SLC35A2: variants seen among roughly 807,000 people sequenced by gnomAD.
SLC35A2 encodes the protein UDP-galactose translocator.
Under a neutral mutation model 17.3 loss-of-function variants are expected in SLC35A2, and 1 was observed. That is an observed-to-expected ratio of 0.06 (90% CI 0.02 to 0.27). SLC35A2 has a LOEUF of 0.27. Among genes scored for constraint, SLC35A2 ranks in the 10% least tolerant of loss-of-function variants. The probability of loss-of-function intolerance (pLI) is 1.00; values close to 1 mark genes in which losing one functional copy is unlikely to be tolerated. For synonymous variants in SLC35A2, 161 were observed against 161.3 expected (o/e 1.00, Z 0.01); for missense variants, 191 against 339.3 (o/e 0.56, Z 3.43).
rs1557042895 is a variant in SLC35A2, at chrX:48,905,332, G to T, written c.577C>A (p.Arg193=). 2.7e-5 allele frequency: 32 copies of T among 1,184,984 alleles called. No homozygotes were observed. The highest frequency in any genetic ancestry group is 3.3e-5 in the Non-Finnish European group (29 of 882,030). The change falls in exon 4 of 5, where the codon CGG becomes AGG. Residue 193 remains arginine (R), a synonymous_variant. Transcript: ENST00000247138. The part of the protein sequence containing the change: ...QAQQAGGGGP[R]PLDQNPGAGL... ...GCCCCAGGGTTCTGATCCAGTGGCC[G>T]TGGGCCTCCCCCACCGGCTTGCTGT...
chrX:48,911,747 G>C, upstream of SLC35A2: 1 of 1,160,761 alleles, frequency 8.6e-7, no homozygotes, highest in Non-Finnish European at 1.2e-6. Context: ...GGGATCGTCA[G>C]GGTGGTGGCT....
At chrX:48,911,457 G>A in intron 1 of SLC35A2, 89 bp downstream of exon 1, 1 of 1,072,708 alleles carries the variant, frequency 9.3e-7, no homozygotes, top group Non-Finnish European at 1.3e-6. Flanking sequence ...CACACGGGAT[G>A]CTCCCTCTCA....
intron 2 of SLC35A2, 150 bp downstream of exon 2, chrX:48,909,664 T>C (rs1208832319): frequency 8.1e-6 from 4 of 493,981 alleles, no homozygotes; most frequent in Non-Finnish European, 1.3e-5. Context: ...GCTAGAAAAG[T>C]GTAAGATGCC....
chrX:48,908,572 G>A (rs1036606453), intron 2 of SLC35A2, among the ~76,000 whole-genome samples: 1 of 111,656 alleles, frequency 9.0e-6, no homozygotes, highest in Admixed American at 9.5e-5. Flanking sequence ...AAAAAATTCC[G>A]GGCAGGGGAG....
At chrX:48,903,667 C>T in intron 4 of SLC35A2, 1 of 819,800 alleles carries the variant, frequency 1.2e-6, no homozygotes, top group Non-Finnish European at 1.7e-6. Flanking sequence ...TTGTTCATTA[C>T]AGTTCCTTAA....
intron 1 of SLC35A2, 64 bp downstream of exon 1, chrX:48,911,482 A>T: frequency 8.7e-7 from 1 of 1,143,754 alleles, no homozygotes; most frequent in Non-Finnish European, 1.2e-6. Context: ...AGTGAGGAAC[A>T]TTCCCGACTC....
Position 48,905,009 on chromosome X carries a change from G to A in SLC35A2, c.900C>T (p.Ala300=), listed in dbSNP as rs1569511093. Reference sequence around the variant, plus strand: ...TGGACAGCACAATGGACAGGGAGGTGGCAAAGCCCTTGAGGATATTGTCAG... The same window carrying A: ...TGGACAGCACAATGGACAGGGAGGTAGCAAAGCCCTTGAGGATATTGTCAG... ...KYADNILKGF[A]TSLSIVLSTV... The change falls in exon 4 of 5, where the codon GCC becomes GCT. Residue 300 remains alanine, a synonymous_variant. Coordinates refer to ENST00000247138, the MANE Select transcript of SLC35A2 (RefSeq NM_005660.3). The A allele has an allele frequency of 8.3e-7, 1 of 1,209,630 alleles. No individual in the cohort carries two copies. Among genetic ancestry groups the A allele is most frequent in the Non-Finnish European group, 1.1e-6 (1 of 894,751 alleles).
intron 2 of SLC35A2, 102 bp from the exon 3 acceptor site, chrX:48,906,645 C>A: frequency 1.4e-6 from 1 of 739,802 alleles, no homozygotes; most frequent in East Asian, 3.3e-5. Context: ...CCCATCCACC[C>A]TGCTGTCCAA....
Position 48,903,373 on chromosome X carries a change from G to A in SLC35A2, c.*65C>T. 1.7e-6 allele frequency: 1 copy of A among 579,734 alleles called. No individual in the cohort carries two copies. The highest frequency in any genetic ancestry group is 3.1e-6 in the Non-Finnish European group (1 of 320,069). The allele number at this position is 579,734 out of a possible 1,213,427, so 47.8% of individuals were successfully genotyped here. ...CTACCCCTAATACTGATCAGAGTTT[G>A]GTCCCAGCTGGGCCAAGGGCAAGAA... On this transcript the variant is annotated 3_prime_UTR_variant, in exon 5 of 5. Transcript: ENST00000247138.
chrX:48,906,490 C>T lies in SLC35A2; in HGVS notation c.328G>A (p.Val110Met), dbSNP rs781902058. 8.3e-7 allele frequency: 1 copy of T among 1,210,466 alleles called. No individual in the cohort carries two copies. The highest frequency in any genetic ancestry group is 3.0e-5 in the East Asian group (1 of 33,841). Residue 110 changes from valine to methionine, a missense_variant, in exon 3 of 5, where the codon GTG (valine) becomes ATG (methionine). By Grantham distance (21) the Val-to-Met change is conservative. Around this residue, in one of 2 missense-constraint regions of SLC35A2, gnomAD observed 164 missense variants for 315.3 expected, o/e 0.52. Coordinates refer to ENST00000247138, the MANE Select transcript of SLC35A2 (RefSeq NM_005660.3). ...FLHEAVLVQY[V>M]DTLKLAVPSL... Reference sequence around the variant, plus strand: ...GGCACTGCGAGCTTGAGCGTGTCCACATACTGCACCAGGACAGCCTCATGG... The same window carrying T: ...GGCACTGCGAGCTTGAGCGTGTCCATATACTGCACCAGGACAGCCTCATGG...
rs1557043107 is a variant in SLC35A2, at chrX:48,906,395, G to A, written c.423C>T (p.Phe141=). The A allele has an allele frequency of 1.7e-6, 2 of 1,208,623 alleles. No homozygotes were observed. The highest frequency in any genetic ancestry group is 1.8e-5 in the African/African-American group (1 of 57,100). Residue 141 remains phenylalanine (F), a synonymous_variant, in exon 3 of 5, where the codon TTC becomes TTT. Coordinates refer to ENST00000247138, the MANE Select transcript of SLC35A2 (RefSeq NM_005660.3). ...VAISNLPAAT[F]QVTYQLKILT... is the part of the protein sequence containing the mutation. ...CCATGCTGGGCTTGGGGCTCACCTG[G>A]AAAGTGGCAGCTGGTAGGTTAGAGA... is the stretch of plus-strand genomic sequence containing the variant.
At chrX:48,909,724 C>T (rs2063517656) in intron 2 of SLC35A2, 90 bp downstream of exon 2, 1 of 840,858 alleles carries the variant, frequency 1.2e-6, no homozygotes, top group African/African-American at 2.0e-5. Context: ...TTTGGAGACA[C>T]TCCTGAAGCA....
At chrX:48,907,161 T>TC (rs1430575409) in intron 2 of SLC35A2, among the ~76,000 whole-genome samples, 1 of 93,673 alleles carries the variant, frequency 1.1e-5, no homozygotes, top group Non-Finnish European at 2.1e-5. Context: ...AGAGTGAGAC[T>TC]CCATCTCAAA....
intron 2 of SLC35A2, 29 bp from the exon 3 acceptor site, chrX:48,906,572 G>T: frequency 8.3e-7 from 1 of 1,199,951 alleles, no homozygotes; most frequent in Non-Finnish European, 1.1e-6. Flanking sequence ...GCCCTTCTTA[G>T]CACTGACAGC....
chrX:48,910,527 A>G (rs1279529498), intron 1 of SLC35A2, among the ~76,000 whole-genome samples: 2 of 111,724 alleles, frequency 1.8e-5, no homozygotes, highest in African/African-American at 6.5e-5. Context: ...GGACTGTCTC[A>G]TGTAAAGAAT....
intron 2 of SLC35A2, among the ~76,000 whole-genome samples, chrX:48,908,304 C>T (rs1429162089): frequency 9.1e-6 from 1 of 109,697 alleles, no homozygotes; most frequent in Non-Finnish European, 1.9e-5. Context: ...TTAGTAGAGA[C>T]GGGGTTTCAC....
At chrX:48,904,083 C>A (rs899717346) in intron 4 of SLC35A2, 4 of 759,502 alleles carry the variant, frequency 5.3e-6, no homozygotes, top group Non-Finnish European at 4.7e-6. Context: ...CTAAAAAAAA[C>A]AAATGGCCCC....
At chrX:48,907,704 C>T (rs1171103946) in intron 2 of SLC35A2, among the ~76,000 whole-genome samples, 2 of 112,101 alleles carry the variant, frequency 1.8e-5, no homozygotes, top group African/African-American at 3.2e-5. Context: ...AGCAGAAGTC[C>T]GCTTGGGACC....
chrX:48,904,054 A>G (rs2063466325), intron 4 of SLC35A2: 1 of 758,624 alleles, frequency 1.3e-6, no homozygotes, highest in Admixed American at 7.9e-5. Context: ...ATATGATTAC[A>G]CCACAAATCC....
Sources: gnomAD v4.1 joint callset for allele counts (sites outside exome capture counted in the v4.1 genomes callset) on GRCh38, gnomAD v4.1.1 for gene constraint, gnomAD v4.1.1 regional missense constraint, MANE v1.5 for transcripts, NCBI Gene and HGNC (gene_info 2026-07-23, HGNC 2026-07-21) for gene names.